The following SHF variants were observed in gnomAD, a reference collection of about 807,000 sequenced individuals.
The protein encoded by SHF is SH2 domain-containing adapter protein F.
In SHF, 30 loss-of-function variants were observed where a neutral mutation model predicts 42.4. The ratio of observed to expected loss-of-function variants is 0.71; its 90% CI spans 0.53 to 0.96. SHF has a LOEUF of 0.96. SHF is among the 40% of genes least tolerant of loss of function. The pLI, the probability that SHF is intolerant of heterozygous loss-of-function variation, is 0.00. For synonymous variants in SHF, 264 were observed against 269.9 expected (o/e 0.98, Z 0.21); for missense variants, 598 against 634.0 (o/e 0.94, Z 0.61).
At chr15:45,171,685 G>T (rs1897494972) in intron 6 of SHF, 198 bp downstream of exon 6, 1 of 620,638 alleles carries the variant, frequency 1.6e-6, no homozygotes, top group South Asian at 2.0e-5. Flanking sequence ...GCTGGATGCT[G>T]CGGATCAACT....
rs781606791 is a variant in SHF at position 45,172,302 on chromosome 15, C to T, written c.1005G>A (p.Pro335=). 11 of 1,605,594 alleles carry T rather than the reference C, an allele frequency of 6.9e-6. No individual in the cohort carries two copies. The highest frequency in any genetic ancestry group is 1.7e-4 in the Middle Eastern group (1 of 6,030). Residue 335 remains proline, a synonymous_variant, in exon 5 of 7, where the codon CCG becomes CCA. Coordinates refer to ENST00000690270, the MANE Select transcript of SHF (RefSeq NM_001394037.1). ...GGCCAGGTGACAGGCAGCTCTTCTC[C>T]GGTCCTTCAAACTGGGCTGTGGGGA... The part of the protein sequence containing the change: ...LEDSSAQFEG[P]EKSCLSPGRE...
intron 1 of SHF, chr15:45,199,724 A>G (rs1348933166): frequency 2.0e-5 from 3 of 152,146 alleles, no homozygotes; most frequent in African/African-American, 7.2e-5. Flanking sequence ...GGGACTTACA[A>G]AGAAGACAGA....
chr15:45,196,205 C>A (rs887131992), intron 2 of SHF, among the ~76,000 whole-genome samples: 6 of 148,892 alleles, frequency 4.0e-5, no homozygotes, highest in South Asian at 4.3e-4. Context: ...TCAAGCAATT[C>A]TCCTGCCTCA....
chr15:45,175,073 C>T, intron 3 of SHF, 146 bp downstream of exon 3: 2 of 854,516 alleles, frequency 2.3e-6, no homozygotes, highest in Non-Finnish European at 3.6e-6. Flanking sequence ...CCAACCCCAC[C>T]CCCTATGGTA....
intron 2 of SHF, among the ~76,000 whole-genome samples, chr15:45,198,037 C>T (rs1032328639): frequency 2.0e-5 from 3 of 152,000 alleles, no homozygotes; most frequent in Non-Finnish European, 4.4e-5. Flanking sequence ...GACTTTTGTG[C>T]ATGTATTCCC....
chr15:45,181,767 G>A (rs1898138552), intron 1 of SHF, among the ~76,000 whole-genome samples: 1 of 152,190 alleles, frequency 6.6e-6, no homozygotes, highest in Non-Finnish European at 1.5e-5. Flanking sequence ...CCAAAGGGAG[G>A]AATTGTCCGC....
chr15:45,173,588 C>A lies in SHF; in HGVS notation c.976G>T (p.Glu326Ter). The change falls in exon 4 of 7, where the codon GAG becomes TAG. Residue 326 changes from glutamate (E) to a stop codon, truncating the protein, a stop_gained. Coordinates refer to ENST00000690270, the MANE Select transcript of SHF (RefSeq NM_001394037.1). LOFTEE classifies it high-confidence loss of function. Reference sequence around the variant, plus strand: ...CCCCAGGACCCACCGCTGCTGTCCTCCAGGCTGGGCTCAGGGAGGGGCGAG... The same window carrying A: ...CCCCAGGACCCACCGCTGCTGTCCTACAGGCTGGGCTCAGGGAGGGGCGAG... The part of the protein sequence containing the change: ...PASPLPEPSL[E>*]DSSAQFEGPE... 6.5e-7 allele frequency: 1 copy of A among 1,531,538 alleles called. No individual in the cohort carries two copies. 94.9% of individuals were successfully genotyped at this position (1,531,538 alleles called of 1,614,324 possible). A position where few individuals can be genotyped will look rare whatever the true frequency, so the allele number is the denominator to read the frequency against.
In SHF at chr15:45,168,124, C is replaced by T. The variant is rs768290004; in HGVS notation, c.1290G>A (p.Gln430=). 1 of 1,589,646 alleles carries T rather than the reference C, an allele frequency of 6.3e-7. No individual in the cohort carries two copies. The highest frequency in any genetic ancestry group is 1.1e-5 in the South Asian group (1 of 87,142). Residue 430 remains glutamine (Q), a synonymous_variant, in exon 7 of 7, where the codon CAG becomes CAA. Coordinates refer to ENST00000690270, the MANE Select transcript of SHF (RefSeq NM_001394037.1). ...NDFSLSLKSS[Q]GFMHMKLSRT... ...GGGACAGCTTCATGTGCATGAATCC[C>T]TGGCTGCTCCTGGGAAGAGGAGAGG... is the stretch of plus-strand genomic sequence containing the variant.
chr15:45,179,357 A>G (rs1898000417), intron 1 of SHF, among the ~76,000 whole-genome samples: 1 of 152,200 alleles, frequency 6.6e-6, no homozygotes, highest in African/African-American at 2.4e-5. Context: ...CCTGGGAGAG[A>G]GAATGCTGGA....
intron 6 of SHF, 112 bp downstream of exon 6, chr15:45,171,771 G>C: frequency 8.5e-7 from 1 of 1,177,012 alleles, no homozygotes; most frequent in Non-Finnish European, 1.2e-6. Flanking sequence ...CAGTGCCTGG[G>C]GATTGTTCAT....
Position 45,168,057 on chromosome 15 carries a change from G to A in SHF, c.1357C>T (p.Pro453Ser). 6.2e-7 allele frequency: 1 copy of A among 1,613,562 alleles called. No individual in the cohort carries two copies. The highest frequency in any genetic ancestry group is 8.5e-7 in the Non-Finnish European group (1 of 1,179,656). The change falls in exon 7 of 7, where the codon CCC (proline) becomes TCC (serine). Residue 453 changes from proline (P) to serine (S), a missense_variant. This residue lies in a region of SHF where 439 missense variants were observed against 524.6 expected (regional missense o/e 0.84). Transcript: ENST00000690270. ...HKYVLGQNSP[P>S]FSSVPEIVHH... Reference sequence around the variant, plus strand: ...ACAATTTCAGGGACGCTGCTGAAGGGCGGGCTGTTCTGGCCCAGCACATAT... The same window carrying A: ...ACAATTTCAGGGACGCTGCTGAAGGACGGGCTGTTCTGGCCCAGCACATAT...
chr15:45,188,749 C>A (rs931160194), upstream of SHF, among the ~76,000 whole-genome samples: 2 of 152,218 alleles, frequency 1.3e-5, no homozygotes, highest in Admixed American at 1.3e-4. Flanking sequence ...AGCCACATCC[C>A]GGGCTTCATT....
chr15:45,172,048 G>A (rs767275347), intron 5 of SHF, 46 bp from the exon 6 acceptor site: 31 of 1,613,822 alleles, frequency 1.9e-5, no homozygotes, highest in East Asian at 4.5e-5. Flanking sequence ...TGGGTCCCTC[G>A]CTGTCCAGGC....
At chr15:45,175,186 C>A in intron 3 of SHF, 33 bp downstream of exon 3, 1 of 1,576,384 alleles carries the variant, frequency 6.3e-7, no homozygotes, top group East Asian at 2.3e-5. Context: ...GCTCAGAGGC[C>A]CCAGCTGACC....
At chr15:45,168,197 C>T in intron 6 of SHF, 64 bp from the exon 7 acceptor site, 8 of 1,444,344 alleles carry the variant, frequency 5.5e-6, no homozygotes, top group Middle Eastern at 2.0e-4. Context: ...TCCATCCACC[C>T]AGTAACCCTC....
At position 45,168,151 on chromosome 15, in the gene SHF, G is replaced by T. The variant is rs1048106043; in HGVS notation, c.1281-18C>A. On this transcript the variant is annotated intron_variant, in intron 6 of 6. Coordinates refer to ENST00000690270, the MANE Select transcript of SHF (RefSeq NM_001394037.1). ...GGCTGCTCCTGGGAAGAGGAGAGGA[G>T]ACTTTGGTGAGTGGGGGCTCTCCTC... is the stretch of plus-strand genomic sequence containing the variant. 6.4e-7 allele frequency: 1 copy of T among 1,556,868 alleles called. No homozygotes were observed. The highest frequency in any genetic ancestry group is 8.7e-7 in the Non-Finnish European group (1 of 1,145,448).
rs1423184068 is a variant in SHF, at chr15:45,173,588, C to T, written c.976G>A (p.Glu326Lys). The T allele has an allele frequency of 6.5e-7, 1 of 1,531,538 alleles. No homozygotes were observed. The highest frequency in any genetic ancestry group is 1.2e-5 in the South Asian group (1 of 80,632). The allele number at this position is 1,531,538 out of a possible 1,614,324, so 94.9% of individuals were successfully genotyped here. ...CCCCAGGACCCACCGCTGCTGTCCT[C>T]CAGGCTGGGCTCAGGGAGGGGCGAG... Reference protein sequence around the residue: ...PASPLPEPSLEDSSAQFEGPE... With the variant: ...PASPLPEPSLKDSSAQFEGPE... The change falls in exon 4 of 7, where the codon GAG (glutamate) becomes AAG (lysine). Residue 326 changes from glutamate (E) to lysine (K), a missense_variant. Glu to Lys is a moderately conservative substitution (Grantham distance 56). Around this residue, in one of 2 missense-constraint regions of SHF, gnomAD observed 439 missense variants for 524.6 expected, o/e 0.84. Coordinates refer to ENST00000690270, the MANE Select transcript of SHF (RefSeq NM_001394037.1).
chr15:45,196,518 A>G (rs1414231160), intron 2 of SHF, among the ~76,000 whole-genome samples: 1 of 152,198 alleles, frequency 6.6e-6, no homozygotes. Context: ...TCCAAAGACC[A>G]TCCTAGGTCC....
At chr15:45,188,027 C>T (rs1334670823), upstream of SHF, 160 of 365,480 alleles carry the variant, frequency 4.4e-4, 2 homozygotes, top group South Asian at 4.8e-3. Flanking sequence ...GGGGGCGGGG[C>T]TCCGCCGGGC....
Sources: allele counts gnomAD v4.1 joint callset (sites outside exome capture counted in the v4.1 genomes callset), GRCh38; gene constraint gnomAD v4.1.1; regional missense constraint gnomAD v4.1.1; transcripts MANE v1.5; gene names NCBI Gene and HGNC (gene_info 2026-07-23, HGNC 2026-07-21).